The following ARMCX4 variants were observed in gnomAD, a reference collection of about 807,000 sequenced individuals.
The protein encoded by ARMCX4 is armadillo repeat-containing X-linked protein 4.
In ARMCX4, 3 loss-of-function variants were observed where a neutral mutation model predicts 34.7. The observed-to-expected ratio is 0.09, with a 90% CI of 0.04 to 0.22. The LOEUF (loss-of-function observed/expected upper bound fraction) is 0.22, where lower values mean the gene tolerates loss of function less well. Ranked by LOEUF, ARMCX4 falls within the 10% of genes least tolerant of loss-of-function variation. The probability of loss-of-function intolerance (pLI) is 1.00; values close to 1 mark genes in which losing one functional copy is unlikely to be tolerated. For missense variants in ARMCX4, 1,448 were observed against 1,720.8 expected, an observed-to-expected ratio of 0.84 and a Z score of 2.81; for synonymous variants, 513 against 632.8, an observed-to-expected ratio of 0.81 and a Z score of 2.84.
intron 2 of ARMCX4, among the ~76,000 whole-genome samples, chrX:101,427,991 A>G (rs1425968530): frequency 8.9e-6 from 1 of 111,979 alleles, no homozygotes; most frequent in African/African-American, 3.2e-5. Context: ...AACTATATCC[A>G]AAGTATAGCA....
chrX:101,468,031 C>G (rs1449366827), intron 4 of ARMCX4, among the ~76,000 whole-genome samples: 1 of 111,070 alleles, frequency 9.0e-6, no homozygotes, highest in Non-Finnish European at 1.9e-5. Flanking sequence ...CAATATGATC[C>G]TTGTGTTTAA....
At chrX:101,457,721 C>T (rs1303053495) in intron 4 of ARMCX4, among the ~76,000 whole-genome samples, 1 of 110,626 alleles carries the variant, frequency 9.0e-6, no homozygotes, top group African/African-American at 3.3e-5. Flanking sequence ...GACTGCATCT[C>T]AAAAACAAAC....
chrX:101,478,971 T>TAC (rs1239643971), intron 4 of ARMCX4, among the ~76,000 whole-genome samples: 2 of 110,892 alleles, frequency 1.8e-5, no homozygotes, highest in African/African-American at 3.3e-5. Context: ...TGTATATACA[T>TAC]ACACACACAC....
At chrX:101,504,806 A>T (rs1488676563) in intron 7 of ARMCX4, 1 of 111,488 alleles carries the variant, frequency 9.0e-6, no homozygotes, top group Non-Finnish European at 1.9e-5. Flanking sequence ...TTGGGCAAAA[A>T]GGTCCATTTC....
At chrX:101,497,066 G>A (rs1408495704), downstream of ARMCX4, among the ~76,000 whole-genome samples, 23 of 111,408 alleles carry the variant, frequency 2.1e-4, no homozygotes, top group Admixed American at 1.2e-3. Flanking sequence ...GCTTACATTA[G>A]AAATTCAGCA....
Position 101,494,319 on chromosome X carries a change from C to G in ARMCX4, c.5730C>G (p.Asn1910Lys), listed in dbSNP as rs1328866740. The G allele has an allele frequency of 1.1e-5, 13 of 1,152,776 alleles. No homozygotes were observed. The Admixed American group carries it at 3.1e-4, about 28-fold the overall frequency. Residue 1910 changes from asparagine to lysine, a missense_variant, in exon 6 of 6, where the codon AAC (asparagine) becomes AAG (lysine). Coordinates refer to ENST00000423738, the MANE Select transcript of ARMCX4 (RefSeq NM_001256155.3). The stretch of plus-strand genomic sequence containing the variant: ...CTTTGTTTTGGGCTGAGAGTGAGAA[C>G]AGTAATACGTTCAGATCTAAGAGTG... ...LRSLFWAESE[N>K]SNTFRSKSGK...
intron 2 of ARMCX4, 110 bp from the exon 3 acceptor site, chrX:101,487,083 G>A (rs1449795946): frequency 1.1e-5 from 1 of 88,072 alleles, no homozygotes; most frequent in African/African-American, 4.8e-5. Context: ...TTTTCTGCCA[G>A]CAAATGGGTC....
At chrX:101,448,352 T>C (rs1268632492), downstream of ARMCX4, among the ~76,000 whole-genome samples, 9 of 112,200 alleles carry the variant, frequency 8.0e-5, no homozygotes, top group African/African-American at 2.9e-4. Flanking sequence ...CTTTTGATTA[T>C]GTGCCCAGAA....
downstream of ARMCX4, among the ~76,000 whole-genome samples, chrX:101,499,664 T>C (rs1479992061): frequency 1.8e-5 from 2 of 111,998 alleles, no homozygotes; most frequent in Non-Finnish European, 3.8e-5. Flanking sequence ...AATACCACAA[T>C]GCACTGCAGG....
At chrX:101,452,867 T>TTTTTTATTA (rs1555999350), downstream of ARMCX4, among the ~76,000 whole-genome samples, 2 of 102,153 alleles carry the variant, frequency 2.0e-5, no homozygotes, top group African/African-American at 3.5e-5. Context: ...GGCTGTTTGT[T>TTTTTTATTA]TTATTATTAT....
downstream of ARMCX4, among the ~76,000 whole-genome samples, chrX:101,496,141 A>G (rs1934172137): frequency 1.8e-5 from 2 of 109,227 alleles, no homozygotes; most frequent in South Asian, 7.8e-4. Context: ...GGTAGTGACG[A>G]GAGAGAGAGA....
At position 101,494,862 on chromosome X, in the gene ARMCX4, G is replaced by A. The variant is rs1934144347; in HGVS notation, c.6273G>A (p.Leu2091=). 8.7e-7 allele frequency: 1 copy of A among 1,154,528 alleles called. No individual in the cohort carries two copies. The highest frequency in any genetic ancestry group is 1.1e-6 in the Non-Finnish European group (1 of 871,624). ...NVGGISVIES[L]LNNPYPSVRQ... ...GTGGAATTTCAGTTATTGAAAGCTT[G>A]CTCAATAATCCCTACCCCAGTGTTA... The change falls in exon 6 of 6, where the codon TTG becomes TTA. Residue 2091 remains leucine (L), a synonymous_variant. Transcript: ENST00000423738.
intron 11 of ARMCX4, among the ~76,000 whole-genome samples, chrX:101,527,271 TC>T (rs1934997628): frequency 9.0e-6 from 1 of 111,727 alleles, no homozygotes; most frequent in Admixed American, 9.5e-5. Flanking sequence ...ATAAAGATGT[TC>T]TTTGAAACCA....
intron 2 of ARMCX4, among the ~76,000 whole-genome samples, chrX:101,422,112 T>C (rs1443206056): frequency 5.6e-5 from 6 of 106,802 alleles, no homozygotes; most frequent in Non-Finnish European, 9.6e-5. Context: ...GCCTCCCGGG[T>C]TCAAGCGATT....
chrX:101,497,045 C>T (rs1400004847), downstream of ARMCX4, among the ~76,000 whole-genome samples: 5 of 111,381 alleles, frequency 4.5e-5, no homozygotes, highest in Admixed American at 2.9e-4. Context: ...TGTTGATGGA[C>T]ATCTACATGT....
chrX:101,432,720 A>ATG (rs1555992438), intron 2 of ARMCX4, among the ~76,000 whole-genome samples: 1 of 98,352 alleles, frequency 1.0e-5, no homozygotes, highest in African/African-American at 3.6e-5. Flanking sequence ...GTATACATAT[A>ATG]TGTATATACA....
chrX:101,508,529 C>G (rs556993970), intron 8 of ARMCX4, among the ~76,000 whole-genome samples: 1 of 110,933 alleles, frequency 9.0e-6, no homozygotes, highest in South Asian at 3.9e-4. Flanking sequence ...GGGCTCTATT[C>G]TTAGTACCCA....
chrX:101,528,931 G>C (rs1935051439), intron 11 of ARMCX4, among the ~76,000 whole-genome samples: 1 of 111,453 alleles, frequency 9.0e-6, no homozygotes, highest in Non-Finnish European at 1.9e-5. Context: ...TAGATTCAGT[G>C]CCATCCCCAT....
intron 2 of ARMCX4, among the ~76,000 whole-genome samples, chrX:101,486,893 A>G (rs1933747156): frequency 9.1e-6 from 1 of 109,333 alleles, no homozygotes. Flanking sequence ...TGCCACTGCA[A>G]TCCAGCCTGG....
Sources: gnomAD v4.1 joint callset for allele counts (sites outside exome capture counted in the v4.1 genomes callset) on GRCh38, gnomAD v4.1.1 for gene constraint, MANE v1.5 for transcripts, NCBI Gene and HGNC (gene_info 2026-07-23, HGNC 2026-07-21) for gene names.